PARD3: variants seen among roughly 807,000 people sequenced by gnomAD.
PARD3 encodes partitioning defective 3 homolog.
A neutral mutation model predicts 155.4 loss-of-function variants in PARD3; 75 were observed. That is an observed-to-expected ratio of 0.48 (90% confidence interval 0.40 to 0.58). PARD3 has a LOEUF of 0.58. Ranked by LOEUF, PARD3 falls within the 20% of genes least tolerant of loss-of-function variation. PARD3 has a pLI of 0.00. For synonymous variants in PARD3, 576 were observed against 610.5 expected, an observed-to-expected ratio of 0.94 and a Z score of 0.83; for missense variants, 1,642 against 1,721.7, an observed-to-expected ratio of 0.95 and a Z score of 0.82.
intron 7 of PARD3, among the ~76,000 whole-genome samples, chr10:34,392,777 T>C (rs1842964921): frequency 6.6e-6 from 1 of 152,128 alleles, no homozygotes; most frequent in African/African-American, 2.4e-5. Flanking sequence ...GGCTTTCTTA[T>C]CAAACAGTAA....
intron 22 of PARD3, among the ~76,000 whole-genome samples, chr10:34,212,862 A>C (rs1357744241): frequency 1.3e-5 from 2 of 152,182 alleles, no homozygotes; most frequent in Non-Finnish European, 2.9e-5. Context: ...TATCTTCACC[A>C]ACACTGCCAC....
At chr10:34,576,492 A>G (rs932408863) in intron 2 of PARD3, among the ~76,000 whole-genome samples, 1 of 152,138 alleles carries the variant, frequency 6.6e-6, no homozygotes, top group Non-Finnish European at 1.5e-5. Flanking sequence ...GAAGAAGATG[A>G]TCTGAAAAGA....
chr10:34,716,579 GCTTTT>G lies in PARD3; in HGVS notation c.121-20165_121-20161del, dbSNP rs1400847915. Among the ~76,000 whole-genome samples the G allele has an allele frequency of 2.2e-4, 15 of 68,274 alleles. No individual in the cohort carries two copies. In the East Asian group the frequency reaches 3.0e-3, roughly 14 times the overall value. 44.8% of individuals were successfully genotyped at this position (68,274 alleles called of 152,430 possible). ...CATGGGCTACGTGTGGCCCAGGATG[GCTTTT>G]CTTTTTTTTTTTTTTTTTTTTTTTT... On this transcript the variant is annotated intron_variant, in intron 1 of 24. Transcript: ENST00000374788.
chr10:34,348,833 A>G lies in PARD3; in HGVS notation c.2068-718T>C, dbSNP rs1837700845. On this transcript the variant is annotated intron_variant, in intron 14 of 24. Transcript: ENST00000374788. ...TAGGAGGATTTCAAAAACATATACA[A>G]TCTAATAAATAAGCAATGAATGTAT... 3.9e-5 allele frequency among the ~76,000 whole-genome samples: 6 copies of G among 152,232 alleles called. No individual in the cohort carries two copies. The South Asian group carries it at 1.2e-3, about 31-fold the overall frequency.
intron 17 of PARD3, 104 bp from the exon 18 acceptor site, chr10:34,336,347 A>T: frequency 1.3e-6 from 1 of 781,848 alleles, no homozygotes; most frequent in Non-Finnish European, 2.2e-6. Context: ...TCCTCAGCTA[A>T]TATTTCATGC....
intron 22 of PARD3, among the ~76,000 whole-genome samples, chr10:34,231,763 G>A (rs759807235): frequency 8.3e-4 from 126 of 151,986 alleles, no homozygotes; most frequent in Non-Finnish European, 3.4e-4. Context: ...ACATAAGCAC[G>A]CTCAGTGATG....
At chr10:34,705,576 T>C (rs76493475) in intron 1 of PARD3, among the ~76,000 whole-genome samples, 174 of 152,118 alleles carry the variant, frequency 1.1e-3, no homozygotes, top group Non-Finnish European at 2.2e-3. Context: ...CTAAACATTA[T>C]ACAAATGTTT....
At chr10:34,345,861 T>C in intron 15 of PARD3, 1 of 985,156 alleles carries the variant, frequency 1.0e-6, no homozygotes, top group Non-Finnish European at 1.2e-6. Flanking sequence ...GATACTAGAA[T>C]AAGGACTGAC....
At chr10:34,185,818 ATATTAT>A (rs890934390) in intron 22 of PARD3, among the ~76,000 whole-genome samples, 3 of 122,290 alleles carry the variant, frequency 2.5e-5, no homozygotes, top group Admixed American at 1.5e-4. Flanking sequence ...CTTCTATATT[ATATTAT>A]ATTATATTAT....
At chr10:34,504,888 G>A (rs1480263164) in intron 3 of PARD3, among the ~76,000 whole-genome samples, 1 of 152,190 alleles carries the variant, frequency 6.6e-6, no homozygotes, top group African/African-American at 2.4e-5. Flanking sequence ...GTAAAGGAGA[G>A]ATCTATATCA....
chr10:34,792,243 T>G lies in PARD3; in HGVS notation c.120+22633A>C, dbSNP rs566446458. On this transcript the variant is annotated intron_variant, in intron 1 of 24. Coordinates refer to ENST00000374788, the MANE Select transcript of PARD3 (RefSeq NM_001184785.2). ...AGACCTGTGGAGACAGAATAGAGTCTACAGGCTCTTCCCTGTAGGAAGAAA... is the reference window on the plus strand; with the variant it reads ...AGACCTGTGGAGACAGAATAGAGTCGACAGGCTCTTCCCTGTAGGAAGAAA... 1.2e-3 allele frequency among the ~76,000 whole-genome samples: 176 copies of G among 152,226 alleles called. 1 individual carries two copies. Among genetic ancestry groups the G allele is most frequent in the South Asian group, 1.2e-3 (6 of 4,804 alleles).
At chr10:34,188,412 CG>C (rs1475124373) in intron 22 of PARD3, among the ~76,000 whole-genome samples, 2 of 152,064 alleles carry the variant, frequency 1.3e-5, no homozygotes, top group East Asian at 3.9e-4. Context: ...GGTAAACAAA[CG>C]TTTTTTACTT....
Position 34,346,526 on chromosome 10 carries a change from T to G in PARD3, c.2218+1439A>C. The G allele has an allele frequency of 3.1e-6, 4 of 1,270,428 alleles. No individual in the cohort carries two copies. The South Asian group carries it at 5.4e-5, about 17-fold the overall frequency. 78.7% of individuals were successfully genotyped at this position (1,270,428 alleles called of 1,614,324 possible). A position where few individuals can be genotyped will look rare whatever the true frequency, so the allele number is the denominator to read the frequency against. On this transcript the variant is annotated intron_variant, in intron 15 of 24. Transcript: ENST00000374788. ...GGGACACATGCACACTCTCTCTCTC[T>G]CAAGGGGACTGAAATTTCATCAACA...
chr10:34,592,356 G>C (rs1202990006), intron 2 of PARD3, among the ~76,000 whole-genome samples: 1 of 152,182 alleles, frequency 6.6e-6, no homozygotes, highest in Non-Finnish European at 1.5e-5. Flanking sequence ...CAAAGGCACA[G>C]GTGAGGACAT....
chr10:34,144,065 T>C (rs1409025272), intron 22 of PARD3, among the ~76,000 whole-genome samples: 1 of 152,162 alleles, frequency 6.6e-6, no homozygotes, highest in Admixed American at 6.5e-5. Flanking sequence ...TAAATTATTA[T>C]ATTAGGAAAA....
chr10:34,788,076 G>A (rs1473693824), intron 1 of PARD3, among the ~76,000 whole-genome samples: 1 of 151,334 alleles, frequency 6.6e-6, no homozygotes, highest in Non-Finnish European at 1.5e-5. Flanking sequence ...AAGTAACGTC[G>A]CCCCAGCCCC....
intron 5 of PARD3, among the ~76,000 whole-genome samples, chr10:34,405,829 C>T (rs985827526): frequency 6.6e-6 from 1 of 152,186 alleles, no homozygotes; most frequent in African/African-American, 2.4e-5. Context: ...TCCAGGGACA[C>T]TGGCACACAC....
chr10:34,615,859 A>G (rs960056244), intron 2 of PARD3, among the ~76,000 whole-genome samples: 1 of 152,224 alleles, frequency 6.6e-6, no homozygotes, highest in Non-Finnish European at 1.5e-5. Context: ...ATCATTATTC[A>G]TAAGAAAAAC....
At chr10:34,318,567 A>G (rs1564579464) in intron 19 of PARD3, among the ~76,000 whole-genome samples, 1 of 152,148 alleles carries the variant, frequency 6.6e-6, no homozygotes, top group Non-Finnish European at 1.5e-5. Flanking sequence ...CACTTTCAAT[A>G]GCAATACACA....
Sources: gnomAD v4.1 joint callset for allele counts (sites outside exome capture counted in the v4.1 genomes callset) on GRCh38, gnomAD v4.1.1 for gene constraint, MANE v1.5 for transcripts, NCBI Gene and HGNC (gene_info 2026-07-23, HGNC 2026-07-21) for gene names.